ADIPOR2: variants seen among roughly 807,000 people sequenced by gnomAD.
ADIPOR2 encodes the protein adiponectin receptor 2.
ADIPOR2 carries 18 observed loss-of-function variants against 40.9 expected under a neutral mutation model. The ratio of observed to expected loss-of-function variants is 0.44; its 90% CI spans 0.30 to 0.65. ADIPOR2 has a LOEUF of 0.65. Ranked by LOEUF, ADIPOR2 falls within the 30% of genes least tolerant of loss-of-function variation. ADIPOR2 has a pLI of 0.09. For missense variants in ADIPOR2, 283 were observed against 479.2 expected, an observed-to-expected ratio of 0.59 and a Z score of 3.82; for synonymous variants, 165 against 166.4, an observed-to-expected ratio of 0.99 and a Z score of 0.06.
chr12:1,778,060 T>G, intron 4 of ADIPOR2, 35 bp downstream of exon 4: 1 of 1,578,228 alleles, frequency 6.3e-7, no homozygotes, highest in Non-Finnish European at 8.6e-7. Context: ...AGCTGGTGAT[T>G]CACTTTCTTC....
At chr12:1,724,361 A>G (rs539515214) in intron 1 of ADIPOR2, among the ~76,000 whole-genome samples, 1 of 152,302 alleles carries the variant, frequency 6.6e-6, no homozygotes, top group South Asian at 2.1e-4. Flanking sequence ...AGAACAATAC[A>G]CTAAGTGAAA....
intron 7 of ADIPOR2, 112 bp from the exon 8 acceptor site, chr12:1,785,832 A>G: frequency 7.2e-7 from 1 of 1,394,520 alleles, no homozygotes. Context: ...TGTCACATCC[A>G]TTCCCTGCCT....
At chr12:1,717,886 G>C (rs1272201979) in intron 1 of ADIPOR2, among the ~76,000 whole-genome samples, 5 of 151,884 alleles carry the variant, frequency 3.3e-5, no homozygotes, top group African/African-American at 1.2e-4. Context: ...AACTTTTCCT[G>C]GTACAGAATA....
intron 2 of ADIPOR2, among the ~76,000 whole-genome samples, chr12:1,765,616 A>G (rs926943640): frequency 1.3e-5 from 2 of 152,206 alleles, no homozygotes; most frequent in Non-Finnish European, 2.9e-5. Flanking sequence ...TAACTGTAGT[A>G]AGTCCTGATA....
At chr12:1,722,123 C>T (rs2154442180) in intron 1 of ADIPOR2, among the ~76,000 whole-genome samples, 1 of 152,266 alleles carries the variant, frequency 6.6e-6, no homozygotes, top group East Asian at 1.9e-4. Context: ...CTGGAGGCTG[C>T]TGTATTAGTA....
chr12:1,767,323 A>C (rs1862404616), intron 2 of ADIPOR2, among the ~76,000 whole-genome samples: 1 of 152,044 alleles, frequency 6.6e-6, no homozygotes, highest in Non-Finnish European at 1.5e-5. Flanking sequence ...GAATTTTTAA[A>C]AAACTGAGTG....
At chr12:1,736,463 T>A (rs1240710476) in intron 1 of ADIPOR2, among the ~76,000 whole-genome samples, 1 of 152,250 alleles carries the variant, frequency 6.6e-6, no homozygotes, top group African/African-American at 2.4e-5. Flanking sequence ...CACAATCCCC[T>A]GTATCATTTT....
rs139616464 is a variant in ADIPOR2 at position 1,754,686 on chromosome 12, T to TTTA, written c.171+185_171+187dup. On this transcript the variant is annotated intron_variant, in intron 2 of 7. Coordinates refer to ENST00000357103, the MANE Select transcript of ADIPOR2 (RefSeq NM_024551.3). ...TCTGGATAACTTGAAGTCTCTTATC[T>TTTA]TTATTATTATTATTACTACTACTAC... Among the ~76,000 whole-genome samples the TTTA allele has an allele frequency of 1.6e-3, 179 of 110,094 alleles. 1 individual carries two copies. Among genetic ancestry groups the TTTA allele is most frequent in the Admixed American group, 0.015 (127 of 8,514 alleles). The allele number at this position is 110,094 out of a possible 152,430, so 72.2% of individuals were successfully genotyped here. A position where few individuals can be genotyped will look rare whatever the true frequency, so the allele number is the denominator to read the frequency against.
intron 1 of ADIPOR2, among the ~76,000 whole-genome samples, chr12:1,716,380 AC>A (rs2094687665): frequency 6.6e-6 from 1 of 152,182 alleles, no homozygotes; most frequent in African/African-American, 2.4e-5. Context: ...ATGACCAGAA[AC>A]TGAAACTGTT....
intron 1 of ADIPOR2, among the ~76,000 whole-genome samples, chr12:1,716,921 G>C (rs568647884): frequency 6.6e-6 from 1 of 152,258 alleles, no homozygotes; most frequent in South Asian, 2.1e-4. Context: ...TTGTAGTAGA[G>C]AATATGTGGA....
chr12:1,756,465 T>C, intron 2 of ADIPOR2, among the ~76,000 whole-genome samples: 1 of 151,426 alleles, frequency 6.6e-6, no homozygotes. Context: ...TTTTTTTTTT[T>C]TTTTTTAAAG....
intron 6 of ADIPOR2, 43 bp from the exon 7 acceptor site, chr12:1,783,837 G>C: frequency 6.8e-7 from 1 of 1,480,768 alleles, no homozygotes; most frequent in Non-Finnish European, 9.1e-7. Flanking sequence ...CTGGCTCTTT[G>C]TTTCTCTTCT....
intron 2 of ADIPOR2, among the ~76,000 whole-genome samples, chr12:1,769,643 C>T (rs1047256743): frequency 6.6e-6 from 1 of 151,300 alleles, no homozygotes; most frequent in Non-Finnish European, 1.5e-5. Context: ...TGGGTTCAAG[C>T]GATTCTCCTG....
At chr12:1,779,806 G>A (rs866133720) in intron 4 of ADIPOR2, among the ~76,000 whole-genome samples, 2 of 152,302 alleles carry the variant, frequency 1.3e-5, no homozygotes, top group South Asian at 4.1e-4. Context: ...AAACGTTGAA[G>A]TTGAAATTTC....
rs892460393 is a variant in ADIPOR2 at position 1,757,944 on chromosome 12, A to C, written c.171+3430A>C. 2.9e-6 allele frequency: 3 copies of C among 1,017,918 alleles called. No homozygotes were observed. In the African/African-American group the frequency reaches 4.7e-5, roughly 16 times the overall value. 63.1% of individuals were successfully genotyped at this position (1,017,918 alleles called of 1,614,324 possible). On this transcript the variant is annotated intron_variant, in intron 2 of 7. Coordinates refer to ENST00000357103, the MANE Select transcript of ADIPOR2 (RefSeq NM_024551.3). ...TGGACGAGGAGCAAACACACCGGTC[A>C]ATTTATCCAGCATCCAATGCTTTGG...
chr12:1,771,368 T>G (rs1035427310), intron 2 of ADIPOR2, among the ~76,000 whole-genome samples: 2 of 150,708 alleles, frequency 1.3e-5, no homozygotes, highest in African/African-American at 4.9e-5. Context: ...CCCTGGGGTC[T>G]CAAAGAAAAA....
At chr12:1,713,872 G>C (rs866539307) in intron 1 of ADIPOR2, among the ~76,000 whole-genome samples, 1 of 152,084 alleles carries the variant, frequency 6.6e-6, no homozygotes, top group African/African-American at 2.4e-5. Context: ...GAGGACAGCC[G>C]TCTGGGACAG....
rs1232435382 is a variant in ADIPOR2 at position 1,786,186 on chromosome 12, G to A, written c.*114G>A. 7.8e-6 allele frequency: 11 copies of A among 1,415,020 alleles called. No individual in the cohort carries two copies. The highest frequency in any genetic ancestry group is 5.8e-5 in the African/African-American group (4 of 69,256). The allele number at this position is 1,415,020 out of a possible 1,614,324, so 87.7% of individuals were successfully genotyped here. On this transcript the variant is annotated 3_prime_UTR_variant, in exon 8 of 8. Coordinates refer to ENST00000357103, the MANE Select transcript of ADIPOR2 (RefSeq NM_024551.3). ...GGAGCCCCAAAACTTTGACAGCCTCGTGGGCTTTGTGACGGCCCAGTGGCT... is the reference window on the plus strand; with the variant it reads ...GGAGCCCCAAAACTTTGACAGCCTCATGGGCTTTGTGACGGCCCAGTGGCT...
At chr12:1,727,166 C>T (rs1350337981) in intron 1 of ADIPOR2, among the ~76,000 whole-genome samples, 1 of 152,180 alleles carries the variant, frequency 6.6e-6, no homozygotes, top group Non-Finnish European at 1.5e-5. Context: ...AAAACCTTCA[C>T]CATTTCTTTT....
Sources: gnomAD v4.1 joint callset for allele counts (sites outside exome capture counted in the v4.1 genomes callset) on GRCh38, gnomAD v4.1.1 for gene constraint, MANE v1.5 for transcripts, NCBI Gene and HGNC (gene_info 2026-07-23, HGNC 2026-07-21) for gene names.